Variants in UNC5C observed in about 807,000 individuals in gnomAD.
UNC5C encodes netrin receptor UNC5C.
UNC5C carries 47 observed loss-of-function variants against 99.8 expected under a neutral mutation model. That is an observed-to-expected ratio of 0.47 (90% CI 0.37 to 0.60). The LOEUF (loss-of-function observed/expected upper bound fraction) is 0.60. Among genes scored for constraint, UNC5C ranks in the 20% least tolerant of loss-of-function variants. The probability of loss-of-function intolerance (pLI) is 0.00; values close to 1 mark genes in which losing one functional copy is unlikely to be tolerated. For missense variants in UNC5C, 1,062 were observed against 1,165.9 expected, an observed-to-expected ratio of 0.91 and a Z score of 1.30; for synonymous variants, 487 against 452.2, an observed-to-expected ratio of 1.08 and a Z score of -0.98.
intron 5 of UNC5C, 74 bp from the exon 6 acceptor site, chr4:95,245,218 A>T (rs1468176301): frequency 2.1e-6 from 3 of 1,428,192 alleles, no homozygotes; most frequent in Admixed American, 5.7e-5. Flanking sequence ...CACAAAACAG[A>T]CACAATATGT....
At chr4:95,270,005 G>A (rs892538475) in intron 4 of UNC5C, among the ~76,000 whole-genome samples, 2 of 152,050 alleles carry the variant, frequency 1.3e-5, no homozygotes, top group Non-Finnish European at 2.9e-5. Flanking sequence ...GTGAGCCCCC[G>A]TACCTGGCCA....
intron 7 of UNC5C, among the ~76,000 whole-genome samples, chr4:95,226,628 C>G (rs921663370): frequency 6.6e-6 from 1 of 152,186 alleles, no homozygotes; most frequent in Admixed American, 6.5e-5. Flanking sequence ...ATGCAATGCT[C>G]TCTTCTAAGG....
intron 2 of UNC5C, 114 bp from the exon 3 acceptor site, chr4:95,301,863 C>A: frequency 7.7e-7 from 1 of 1,297,058 alleles, no homozygotes; most frequent in Non-Finnish European, 1.0e-6. Context: ...AGATCAACAA[C>A]CCAGATATTG....
chr4:95,414,204 CT>C (rs769889581), intron 1 of UNC5C, among the ~76,000 whole-genome samples: 1 of 151,456 alleles, frequency 6.6e-6, no homozygotes, highest in Non-Finnish European at 1.5e-5. Context: ...TTTCCTTCCC[CT>C]TTTCCCCACC....
chr4:95,254,414 A>T (rs1344457510), intron 4 of UNC5C, among the ~76,000 whole-genome samples: 1 of 152,194 alleles, frequency 6.6e-6, no homozygotes, highest in African/African-American at 2.4e-5. Flanking sequence ...TTCTAAATTC[A>T]ACCCAGAGAA....
intron 12 of UNC5C, among the ~76,000 whole-genome samples, chr4:95,198,249 A>G (rs1737512425): frequency 1.3e-5 from 2 of 151,938 alleles, no homozygotes; most frequent in South Asian, 2.1e-4. Flanking sequence ...TTGGCCTCCC[A>G]AAGTGCTGGG....
At position 95,220,059 on chromosome 4, in the gene UNC5C, A is replaced by G. The variant is rs1738411845; in HGVS notation, c.1226T>C (p.Phe409Ser). The G allele has an allele frequency of 2.5e-6, 4 of 1,614,062 alleles. No homozygotes were observed. The highest frequency in any genetic ancestry group is 2.5e-6 in the Non-Finnish European group (3 of 1,180,020). ...LFVYRKNHRD[F>S]ESDIIDSSAL... ...CGAAGAGTCAATAATATCTGACTCAAAGTCACGATGATTCTTCCGATACAC... is the reference window on the plus strand; with the variant it reads ...CGAAGAGTCAATAATATCTGACTCAGAGTCACGATGATTCTTCCGATACAC... Residue 409 changes from phenylalanine (F) to serine (S), a missense_variant, in exon 8 of 16, where the codon TTT (phenylalanine) becomes TCT (serine). Transcript: ENST00000453304.
chr4:95,418,132 T>C (rs1215706026), intron 1 of UNC5C, among the ~76,000 whole-genome samples: 1 of 152,200 alleles, frequency 6.6e-6, no homozygotes, highest in Non-Finnish European at 1.5e-5. Context: ...TTCTTCCAAA[T>C]TCATCTTAGG....
chr4:95,285,376 C>T (rs548511631), intron 3 of UNC5C, among the ~76,000 whole-genome samples: 1 of 152,248 alleles, frequency 6.6e-6, no homozygotes, highest in Non-Finnish European at 1.5e-5. Context: ...TACATTATTA[C>T]TGTTGTTCTT....
rs192259733 is a variant in UNC5C at position 95,184,711 on chromosome 4, T to G, written c.2286+336A>C. ...ATTTGTGTCCCATGGAATAAAAATGTCCTTCTGTTTGTTTCTGTGAATGCA... is the reference window on the plus strand; with the variant it reads ...ATTTGTGTCCCATGGAATAAAAATGGCCTTCTGTTTGTTTCTGTGAATGCA... On this transcript the variant is annotated intron_variant, in intron 13 of 15. Transcript: ENST00000453304. 3.9e-5 allele frequency among the ~76,000 whole-genome samples: 6 copies of G among 152,320 alleles called. No individual in the cohort carries two copies. The East Asian group carries it at 1.2e-3, about 29-fold the overall frequency.
chr4:95,418,137 C>T (rs1008466935), intron 1 of UNC5C, among the ~76,000 whole-genome samples: 2 of 152,208 alleles, frequency 1.3e-5, no homozygotes, highest in Admixed American at 1.3e-4. Flanking sequence ...CCAAATTCAT[C>T]TTAGGGACAA....
chr4:95,412,397 T>C (rs1252744663), intron 1 of UNC5C, among the ~76,000 whole-genome samples: 3 of 152,158 alleles, frequency 2.0e-5, no homozygotes, highest in African/African-American at 4.8e-5. Flanking sequence ...GCTTTTCTTT[T>C]CTCACACTTG....
intron 1 of UNC5C, among the ~76,000 whole-genome samples, chr4:95,547,822 G>A (rs994635015): frequency 2.6e-5 from 4 of 152,182 alleles, no homozygotes; most frequent in Admixed American, 6.5e-5. Flanking sequence ...GGACAAGAAG[G>A]GAGCCGGGCG....
intron 1 of UNC5C, among the ~76,000 whole-genome samples, chr4:95,454,050 T>C (rs1424049643): frequency 6.6e-6 from 1 of 152,132 alleles, no homozygotes; most frequent in Non-Finnish European, 1.5e-5. Context: ...GAGGATGTTC[T>C]GCGGGGTTAA....
chr4:95,372,176 T>A (rs1307341846), intron 1 of UNC5C, among the ~76,000 whole-genome samples: 1 of 152,164 alleles, frequency 6.6e-6, no homozygotes, highest in Non-Finnish European at 1.5e-5. Flanking sequence ...TATTGACCCT[T>A]CTCCAGTGGA....
At chr4:95,377,985 C>T (rs1413273419) in intron 1 of UNC5C, among the ~76,000 whole-genome samples, 1 of 152,120 alleles carries the variant, frequency 6.6e-6, no homozygotes, top group African/African-American at 2.4e-5. Context: ...TCCTTCCCCA[C>T]CCTCCTTCCA....
chr4:95,282,382 G>T (rs1184004935), intron 3 of UNC5C, among the ~76,000 whole-genome samples: 1 of 152,178 alleles, frequency 6.6e-6, no homozygotes, highest in Non-Finnish European at 1.5e-5. Flanking sequence ...ATGAGGAGTG[G>T]CCAGGAAGTG....
At chr4:95,211,170 G>A (rs566755910) in intron 10 of UNC5C, among the ~76,000 whole-genome samples, 10 of 152,278 alleles carry the variant, frequency 6.6e-5, no homozygotes, top group Non-Finnish European at 5.9e-5. Context: ...TCTAGTAGTG[G>A]ACATGTCTTT....
chr4:95,501,535 C>G (rs1721775765), intron 1 of UNC5C, among the ~76,000 whole-genome samples: 1 of 152,096 alleles, frequency 6.6e-6, no homozygotes, highest in East Asian at 1.9e-4. Context: ...AATATTGTTA[C>G]ATGCTAATGA....
Sources: allele counts gnomAD v4.1 joint callset (sites outside exome capture counted in the v4.1 genomes callset), GRCh38; gene constraint gnomAD v4.1.1; transcripts MANE v1.5; gene names NCBI Gene and HGNC (gene_info 2026-07-23, HGNC 2026-07-21).